Variants in PRH1 observed in about 807,000 individuals in gnomAD.
The protein encoded by PRH1 is proline rich protein HaeIII subfamily 1, also known as salivary acidic proline-rich phosphoprotein 1/2.
PRH1 carries 7 observed loss-of-function variants against 7.9 expected under a neutral mutation model. The ratio of observed to expected loss-of-function variants is 0.89; its 90% CI spans 0.50 to 1.67. The LOEUF (loss-of-function observed/expected upper bound fraction) is 1.67, where lower values mean the gene tolerates loss of function less well. PRH1 is among the 40% of genes most tolerant of loss of function. PRH1 has a pLI of 0.00. For missense variants in PRH1, 109 were observed against 223.6 expected (o/e 0.49, Z 3.27); for synonymous variants, 45 against 80.8 (o/e 0.56, Z 2.38).
intron 2 of PRH1, among the ~76,000 whole-genome samples, chr12:10,927,995 A>G (rs1048265204): frequency 3.3e-5 from 5 of 152,374 alleles, no homozygotes; most frequent in African/African-American, 1.2e-4. Context: ...CCAATTGTAG[A>G]GACAAAAATG....
intron 1 of PRH1, among the ~76,000 whole-genome samples, chr12:11,031,851 G>C (rs1430327003): frequency 1.3e-5 from 2 of 152,152 alleles, no homozygotes; most frequent in Admixed American, 6.5e-5. Flanking sequence ...AGAAAGTATA[G>C]CTCGCTTCAT....
downstream of PRH1, among the ~76,000 whole-genome samples, chr12:11,119,440 T>A (rs1335341237): frequency 6.6e-6 from 1 of 152,108 alleles, no homozygotes; most frequent in Non-Finnish European, 1.5e-5. Flanking sequence ...GGATTGTTTG[T>A]AACAAAAAAG....
chr12:11,010,832 CATTT>C (rs1182481223), intron 1 of PRH1, among the ~76,000 whole-genome samples: 8 of 151,736 alleles, frequency 5.3e-5, no homozygotes, highest in Non-Finnish European at 1.2e-4. Flanking sequence ...ATTTCATGCA[CATTT>C]ATTAAGAATG....
chr12:11,013,047 ACTCAGTGCAAT>A (rs1428690742), intron 1 of PRH1, among the ~76,000 whole-genome samples: 1 of 152,134 alleles, frequency 6.6e-6, no homozygotes, highest in African/African-American at 2.4e-5. Flanking sequence ...CAACTTATAT[ACTCAGTGCAAT>A]CCCTATCAAA....
At chr12:11,070,242 G>A (rs1168340648) in intron 1 of PRH1, among the ~76,000 whole-genome samples, 4 of 152,300 alleles carry the variant, frequency 2.6e-5, no homozygotes, top group Admixed American at 6.5e-5. Flanking sequence ...TAAGGCATGC[G>A]TGTTAAGAGA....
chr12:11,080,021 G>T (rs1944447689), intron 1 of PRH1, among the ~76,000 whole-genome samples: 1 of 138,398 alleles, frequency 7.2e-6, no homozygotes, highest in East Asian at 2.0e-4. Flanking sequence ...CCTTCATGTA[G>T]GGCAAGACAT....
chr12:10,996,743 C>T (rs1160195647), intron 1 of PRH1: 4 of 368,724 alleles, frequency 1.1e-5, no homozygotes, highest in Admixed American at 4.4e-5. Flanking sequence ...TTTTCATATA[C>T]ATTCAGACAT....
In PRH1 at chr12:11,022,614, T is replaced by G. The variant is rs748817820; in HGVS notation, c.-126+24406A>C. 13 of 1,408,718 alleles carry G rather than the reference T, an allele frequency of 9.2e-6. No homozygotes were observed. In the African/African-American group the frequency reaches 1.1e-4, roughly 12 times the overall value. The allele number at this position is 1,408,718 out of a possible 1,614,324, so 87.3% of individuals were successfully genotyped here. ...AATGCAGGCTTAGTAACACTTGTTC[T>G]GAGTCCTTTAACATCCAGATGTTAA... On this transcript the variant is annotated intron_variant, in intron 1 of 3. Transcript: ENST00000539853.
At chr12:11,059,612 C>T (rs796331924) in intron 1 of PRH1, among the ~76,000 whole-genome samples, 10 of 142,626 alleles carry the variant, frequency 7.0e-5, no homozygotes, top group African/African-American at 1.5e-4. Flanking sequence ...TTGTAATAGG[C>T]GCCATCTAAT....
intron 2 of PRH1, chr12:10,891,915 A>G (rs1035559362): frequency 6.6e-6 from 1 of 152,200 alleles, no homozygotes; most frequent in Non-Finnish European, 1.5e-5. Context: ...CTGGAATGTA[A>G]GCAAATATCT....
chr12:10,963,096 G>T (rs774032304), intron 2 of PRH1, among the ~76,000 whole-genome samples: 12 of 151,606 alleles, frequency 7.9e-5, no homozygotes, highest in African/African-American at 2.4e-4. Flanking sequence ...TGGTGCTTAC[G>T]TTGTACCAGG....
intron 1 of PRH1, among the ~76,000 whole-genome samples, chr12:11,105,924 G>T (rs1490609654): frequency 1.3e-5 from 2 of 149,776 alleles, no homozygotes; most frequent in Non-Finnish European, 3.0e-5. Context: ...TAATACTTTT[G>T]AATAACTTAT....
At chr12:11,002,308 C>A (rs185780350) in intron 1 of PRH1, among the ~76,000 whole-genome samples, 1 of 151,998 alleles carries the variant, frequency 6.6e-6, no homozygotes, top group East Asian at 1.9e-4. Flanking sequence ...CTAAGTGCTG[C>A]GTTTCAGGGT....
At chr12:10,943,669 G>A (rs1456500281) in intron 2 of PRH1, among the ~76,000 whole-genome samples, 5 of 152,084 alleles carry the variant, frequency 3.3e-5, no homozygotes, top group Admixed American at 6.5e-5. Flanking sequence ...GGATGGTATT[G>A]CCTAGGTTGT....
intron 1 of PRH1, among the ~76,000 whole-genome samples, chr12:11,115,435 CAATACAATAAT>C (rs1945704904): frequency 6.6e-6 from 1 of 152,086 alleles, no homozygotes; most frequent in Admixed American, 6.6e-5. Context: ...GAGAAAGCCT[CAATACAATAAT>C]AGATGGAGAC....
chr12:11,028,336 C>A lies in PRH1; in HGVS notation c.-126+18684G>T, dbSNP rs574229554. Among the ~76,000 whole-genome samples, 11 of 152,330 alleles carry A rather than the reference C, an allele frequency of 7.2e-5. No individual in the cohort carries two copies. In the South Asian group the frequency reaches 2.1e-3, roughly 29 times the overall value. The stretch of plus-strand genomic sequence containing the variant: ...TGCCAGCTGTGGTTTCCCCTTGTAG[C>A]CCTTCTGGAAAAGTGCTGGAAGCCA... On this transcript the variant is annotated intron_variant, in intron 1 of 3. Transcript: ENST00000539853.
intron 1 of PRH1, among the ~76,000 whole-genome samples, chr12:11,057,005 C>CT (rs66633867): frequency 0.014 from 2,077 of 146,102 alleles, 4 homozygotes; most frequent in South Asian, 0.028. Context: ...AGAACTTTCA[C>CT]TTTTTTTTTT....
intron 1 of PRH1, among the ~76,000 whole-genome samples, chr12:11,146,287 A>G (rs562924522): frequency 1.3e-5 from 2 of 151,420 alleles, no homozygotes; most frequent in African/African-American, 4.9e-5. Flanking sequence ...TACTGAATCT[A>G]AAGTGTTTCC....
intron 1 of PRH1, among the ~76,000 whole-genome samples, chr12:10,996,273 G>A (rs1021791936): frequency 9.9e-5 from 15 of 151,722 alleles, no homozygotes; most frequent in Non-Finnish European, 2.1e-4. Context: ...ACGTTGTGGT[G>A]AGCCAAGATT....
Sources: allele counts gnomAD v4.1 joint callset (sites outside exome capture counted in the v4.1 genomes callset), GRCh38; gene constraint gnomAD v4.1.1; transcripts MANE v1.5; gene names NCBI Gene and HGNC (gene_info 2026-07-23, HGNC 2026-07-21).